Variants in FBXO38 observed in about 807,000 individuals in gnomAD.
The protein encoded by FBXO38 is F-box only protein 38.
Under a neutral mutation model 131.9 loss-of-function variants are expected in FBXO38, and 53 were observed. The ratio of observed to expected loss-of-function variants is 0.40; its 90% CI spans 0.32 to 0.51. FBXO38 has a LOEUF of 0.51. FBXO38 is among the 20% of genes least tolerant of loss of function. FBXO38 has a pLI of 0.53. For synonymous variants in FBXO38, 452 were observed against 505.6 expected (o/e 0.89, Z 1.42); for missense variants, 1,076 against 1,475.6 (o/e 0.73, Z 4.44).
intron 1 of FBXO38, among the ~76,000 whole-genome samples, chr5:148,389,305 A>G (rs1040587723): frequency 6.6e-6 from 1 of 152,236 alleles, no homozygotes; most frequent in Non-Finnish European, 1.5e-5. Flanking sequence ...TGAAGTGAGC[A>G]TGTGCTGCTG....
chr5:148,398,569 A>G (rs1751950048), intron 2 of FBXO38, among the ~76,000 whole-genome samples: 1 of 152,152 alleles, frequency 6.6e-6, no homozygotes, highest in Non-Finnish European at 1.5e-5. Context: ...ATGTCCCTGC[A>G]GGAGTAGATT....
chr5:148,416,794 A>T, intron 11 of FBXO38, 200 bp from the exon 12 acceptor site: 1 of 555,798 alleles, frequency 1.8e-6, no homozygotes, highest in East Asian at 3.0e-5. Flanking sequence ...CTCATCTGTA[A>T]ATCAAGCCAG....
At chr5:148,438,032 G>A (rs1754449265) in intron 17 of FBXO38, among the ~76,000 whole-genome samples, 1 of 152,092 alleles carries the variant, frequency 6.6e-6, no homozygotes, top group Non-Finnish European at 1.5e-5. Flanking sequence ...ATGTATAATA[G>A]TTACTCATTT....
At chr5:148,411,626 T>G (rs1009030349) in intron 9 of FBXO38, among the ~76,000 whole-genome samples, 2 of 152,112 alleles carry the variant, frequency 1.3e-5, no homozygotes, top group Non-Finnish European at 2.9e-5. Flanking sequence ...TAGTTGTGGG[T>G]TTTTTGTTTG....
At chr5:148,436,691 C>A (rs1754364026) in intron 17 of FBXO38, among the ~76,000 whole-genome samples, 2 of 152,066 alleles carry the variant, frequency 1.3e-5, no homozygotes, top group Admixed American at 6.6e-5. Context: ...TGAGGAGAAC[C>A]CAAGAAAGGA....
At position 148,442,052 on chromosome 5, in the gene FBXO38, C is replaced by T. The variant is rs1273071907; in HGVS notation, c.3472C>T (p.Arg1158Cys). 11 of 1,613,856 alleles carry T rather than the reference C, an allele frequency of 6.8e-6. No homozygotes were observed. Among genetic ancestry groups the T allele is most frequent in the Admixed American group, 5.0e-5 (3 of 59,992 alleles). ...ETIGEEISEM[R>C]QMKKGVFQRV... Reference sequence around the variant, plus strand: ...AATAGGAGAGGAAATTTCAGAGATGCGTCAGATGAAGAAGGGTGTATTTCA... The same window carrying T: ...AATAGGAGAGGAAATTTCAGAGATGTGTCAGATGAAGAAGGGTGTATTTCA... The change falls in exon 22 of 22, where the codon CGT becomes TGT. Residue 1158 changes from arginine (R) to cysteine (C), a missense_variant. Physicochemically the swap from Arg to Cys is radical, Grantham distance 180. Coordinates refer to ENST00000340253, the MANE Select transcript of FBXO38 (RefSeq NM_205836.3).
At chr5:148,386,066 G>A (rs1490310924) in intron 1 of FBXO38, among the ~76,000 whole-genome samples, 2 of 152,184 alleles carry the variant, frequency 1.3e-5, no homozygotes, top group Middle Eastern at 3.2e-3. Context: ...GGTCAGCTAA[G>A]CAGGCAGCCA....
intron 17 of FBXO38, among the ~76,000 whole-genome samples, chr5:148,438,013 A>C (rs908624567): frequency 6.6e-6 from 1 of 152,188 alleles, no homozygotes; most frequent in Non-Finnish European, 1.5e-5. Flanking sequence ...CTGACTATTG[A>C]CTATAAAAAT....
chr5:148,426,405 T>A (rs1249673618), intron 14 of FBXO38, among the ~76,000 whole-genome samples: 1 of 152,244 alleles, frequency 6.6e-6, no homozygotes, highest in Non-Finnish European at 1.5e-5. Flanking sequence ...TACTATTATC[T>A]GGAAAGTTTA....
intron 2 of FBXO38, among the ~76,000 whole-genome samples, chr5:148,398,456 A>AAG (rs201828936): frequency 1.8e-4 from 27 of 150,190 alleles, no homozygotes; most frequent in Admixed American, 9.3e-4. Flanking sequence ...AAAAAAAAAA[A>AAG]TGGGAAAAGA....
At chr5:148,436,403 C>G (rs1466453159) in intron 17 of FBXO38, among the ~76,000 whole-genome samples, 1 of 152,184 alleles carries the variant, frequency 6.6e-6, no homozygotes, top group Admixed American at 6.5e-5. Flanking sequence ...TCAAAACTTT[C>G]TGAGCACTAA....
rs1754448949 is a variant in FBXO38 at position 148,438,026 on chromosome 5, A to G, written c.2858-306A>G. Among the ~76,000 whole-genome samples the G allele has an allele frequency of 2.0e-5, 3 of 152,210 alleles. No individual in the cohort carries two copies. The South Asian group carries it at 6.2e-4, about 32-fold the overall frequency. On this transcript the variant is annotated intron_variant, in intron 17 of 21. Transcript: ENST00000340253. ...GTCTGACTATTGACTATAAAAATGT[A>G]TAATAGTTACTCATTTTTTAAATAA...
intron 1 of FBXO38, among the ~76,000 whole-genome samples, chr5:148,392,524 CAG>C (rs1758248705): frequency 6.6e-6 from 1 of 151,166 alleles, no homozygotes; most frequent in Non-Finnish European, 1.5e-5. Flanking sequence ...AAATAAAGTT[CAG>C]AGCTCAGGAG....
chr5:148,392,611 G>T (rs996599512), intron 1 of FBXO38, among the ~76,000 whole-genome samples: 1 of 151,388 alleles, frequency 6.6e-6, no homozygotes, highest in African/African-American at 2.4e-5. Context: ...GTGTGTGTGT[G>T]TGTGTGTGTA....
chr5:148,387,192 G>A (rs891321836), intron 1 of FBXO38, among the ~76,000 whole-genome samples: 13 of 152,128 alleles, frequency 8.5e-5, no homozygotes, highest in Non-Finnish European at 1.3e-4. Context: ...TGGTGCTGCC[G>A]TATCAACTGA....
chr5:148,411,260 A>AT lies in FBXO38; in HGVS notation c.1093+497dup, dbSNP rs1477657012. 5.9e-5 allele frequency among the ~76,000 whole-genome samples: 9 copies of AT among 152,270 alleles called. No individual in the cohort carries two copies. The East Asian group carries it at 1.4e-3, about 23-fold the overall frequency. On this transcript the variant is annotated intron_variant, in intron 9 of 21. Transcript: ENST00000340253. ...AATGGTCAGTATTCATTTAATGATG[A>AT]TTGCTGTTGGAAAGCTTGTTCACAG...
chr5:148,391,002 A>G (rs1433696777), intron 1 of FBXO38, among the ~76,000 whole-genome samples: 2 of 152,214 alleles, frequency 1.3e-5, no homozygotes, highest in Non-Finnish European at 2.9e-5. Flanking sequence ...GCTAAAGTAT[A>G]ACAACTGGTG....
intron 10 of FBXO38, 47 bp downstream of exon 10, chr5:148,414,353 AATACAACTTTCCATGTT>A: frequency 1.4e-6 from 2 of 1,408,292 alleles, no homozygotes; most frequent in Non-Finnish European, 1.9e-6. Context: ...ATACTGAAAT[AATACAACTTTCCATGTT>A]TTCTATGTGT....
chr5:148,410,368 C>A, intron 8 of FBXO38: 1 of 460,236 alleles, frequency 2.2e-6, no homozygotes, highest in Non-Finnish European at 3.8e-6. Context: ...TGCACAGCCT[C>A]TCTTTTTTTG....
Sources: allele counts gnomAD v4.1 joint callset (sites outside exome capture counted in the v4.1 genomes callset), GRCh38; gene constraint gnomAD v4.1.1; transcripts MANE v1.5; gene names NCBI Gene and HGNC (gene_info 2026-07-23, HGNC 2026-07-21).